Variants in PCDHGB4 observed in about 807,000 individuals in gnomAD.
PCDHGB4 encodes protocadherin gamma subfamily B, 4, also known as protocadherin gamma-B4.
A neutral mutation model predicts 60.5 loss-of-function variants in PCDHGB4; 38 were observed. The observed-to-expected ratio is 0.63, with a 90% CI of 0.48 to 0.82. The LOEUF is 0.82. Ranked by LOEUF, PCDHGB4 falls within the 40% of genes least tolerant of loss-of-function variation. The pLI is 0.00. For missense variants in PCDHGB4, 1,109 were observed against 1,209.6 expected, an observed-to-expected ratio of 0.92 and a Z score of 1.23; for synonymous variants, 456 against 509.7, an observed-to-expected ratio of 0.89 and a Z score of 1.42.
chr5:141,473,647 C>T (rs2099326149), intron 1 of PCDHGB4, among the ~76,000 whole-genome samples: 1 of 152,172 alleles, frequency 6.6e-6, no homozygotes, highest in Non-Finnish European at 1.5e-5. Flanking sequence ...GGCAAAGGAA[C>T]AATTTGTGTG....
At chr5:141,409,241 A>G in intron 1 of PCDHGB4, 1 of 1,614,038 alleles carries the variant, frequency 6.2e-7, no homozygotes. Context: ...CAGCCCAGAA[A>G]TAATCATCAC....
intron 1 of PCDHGB4, chr5:141,415,339 C>T (rs776585248): frequency 7.4e-6 from 12 of 1,614,190 alleles, no homozygotes; most frequent in Non-Finnish European, 1.0e-5. Context: ...CAGGCTGCGG[C>T]GCTGGCACAA....
chr5:141,503,812 G>C (rs2099831825), intron 2 of PCDHGB4, among the ~76,000 whole-genome samples: 1 of 152,114 alleles, frequency 6.6e-6, no homozygotes, highest in South Asian at 2.1e-4. Context: ...GGGAATCCCA[G>C]ATTGGGCAAA....
At chr5:141,425,640 C>G (rs2096886863) in intron 1 of PCDHGB4, among the ~76,000 whole-genome samples, 1 of 152,206 alleles carries the variant, frequency 6.6e-6, no homozygotes, top group Non-Finnish European at 1.5e-5. Flanking sequence ...TCTGATAAAA[C>G]TAGGAGGAAA....
intron 1 of PCDHGB4, chr5:141,430,515 G>A (rs1016446331): frequency 2.1e-5 from 7 of 340,180 alleles, no homozygotes; most frequent in Admixed American, 1.8e-4. Flanking sequence ...TCAAGATTGT[G>A]CAGTAATTGG....
intron 1 of PCDHGB4, among the ~76,000 whole-genome samples, chr5:141,448,617 T>C (rs1318664360): frequency 2.0e-5 from 3 of 152,150 alleles, no homozygotes; most frequent in Non-Finnish European, 2.9e-5. Flanking sequence ...ACTTTATATC[T>C]TCCTTTCTTC....
chr5:141,434,455 G>A (rs2097695575), intron 1 of PCDHGB4, among the ~76,000 whole-genome samples: 1 of 152,192 alleles, frequency 6.6e-6, no homozygotes, highest in Admixed American at 6.5e-5. Context: ...GAAGGTAGTG[G>A]GTTTACCGGA....
At position 141,491,692 on chromosome 5, in the gene PCDHGB4, C is replaced by T. The variant is rs749349869; in HGVS notation, c.2398-3115C>T. On this transcript the variant is annotated intron_variant, in intron 1 of 3. Coordinates refer to ENST00000519479, the MANE Select transcript of PCDHGB4 (RefSeq NM_003736.4). This position sits in a 1 kb window ranked among gnomAD's most constrained non-coding sequence, Gnocchi z 6.9. ...GTCCCGCTCTAATACGCTGCGGGAG[C>T]GGAGCCAGGTGAGGGGCTCGGCGCC... is the stretch of plus-strand genomic sequence containing the variant. 1 of 1,612,594 alleles carries T rather than the reference C, an allele frequency of 6.2e-7. No homozygotes were observed. The highest frequency in any genetic ancestry group is 8.5e-7 in the Non-Finnish European group (1 of 1,179,340).
rs11343387 is a variant in PCDHGB4 at position 141,497,209 on chromosome 5, TGG to T, written c.2456+2352_2456+2353del. On this transcript the variant is annotated intron_variant, in intron 2 of 3. Transcript: ENST00000519479. ...GAGGCAGAGAACAATGTGAGTGTAATGGGGGGGGGAAGATCAGAGAAGGCTTC... is the reference window on the plus strand; with the variant it reads ...GAGGCAGAGAACAATGTGAGTGTAATGGGGGGGAAGATCAGAGAAGGCTTC... Among the ~76,000 whole-genome samples the T allele has an allele frequency of 3.8e-3, 569 of 151,352 alleles. 5 individuals are homozygous for T. Among genetic ancestry groups the T allele is most frequent in the Admixed American group, 0.011 (162 of 15,190 alleles).
At chr5:141,444,880 G>C (rs527554886) in intron 1 of PCDHGB4, among the ~76,000 whole-genome samples, 5 of 152,268 alleles carry the variant, frequency 3.3e-5, no homozygotes, top group Admixed American at 1.3e-4. Flanking sequence ...AAGCTTGTAG[G>C]ATTTTTGAAT....
intron 1 of PCDHGB4, chr5:141,404,764 C>G: frequency 6.2e-7 from 1 of 1,613,920 alleles, no homozygotes; most frequent in Non-Finnish European, 8.5e-7. Context: ...ATGCTTGGCT[C>G]TCCTACCGCC....
In PCDHGB4 at chr5:141,392,458, G is replaced by A. The variant is rs113238570; in HGVS notation, c.2397+2177G>A. The A allele has an allele frequency of 2.2e-3, 375 of 170,410 alleles. 4 individuals are homozygous for A. Among genetic ancestry groups the A allele is most frequent in the African/African-American group, 8.5e-3 (357 of 42,198 alleles). The allele number at this position is 170,410 out of a possible 1,614,324, so 10.6% of individuals were successfully genotyped here. ...GTTTCTTTTAAAATATGGGTTTACG[G>A]ATAAATCAAATAAATTCAAAACAAA... On this transcript the variant is annotated intron_variant, in intron 1 of 3. Coordinates refer to ENST00000519479, the MANE Select transcript of PCDHGB4 (RefSeq NM_003736.4).
At position 141,511,146 on chromosome 5, in the gene PCDHGB4, G is replaced by T; in HGVS notation, c.2745G>T (p.Lys915Asn). 1 of 1,614,208 alleles carries T rather than the reference G, an allele frequency of 6.2e-7. No individual in the cohort carries two copies. Among genetic ancestry groups the T allele is most frequent in the Non-Finnish European group, 8.5e-7 (1 of 1,180,018 alleles). The change falls in exon 4 of 4, where the codon AAG becomes AAT. Residue 915 changes from lysine to asparagine, a missense_variant. Lys to Asn is a moderately conservative substitution (Grantham distance 94). Coordinates refer to ENST00000519479, the MANE Select transcript of PCDHGB4 (RefSeq NM_003736.4). Reference protein sequence around the residue: ...KAPAGGNGNKKKSGKKEKK With the variant: ...KAPAGGNGNKNKSGKKEKK The stretch of plus-strand genomic sequence containing the variant: ...CAGCAGGTGGCAATGGCAACAAGAA[G>T]AAGTCGGGCAAGAAGGAGAAGAAGT...
chr5:141,415,289 C>T (rs1413039067), intron 1 of PCDHGB4: 11 of 1,614,088 alleles, frequency 6.8e-6, no homozygotes, highest in African/African-American at 1.3e-5. Flanking sequence ...GCCGCGGTCT[C>T]CTGCGTCTTC....
At chr5:141,500,182 A>ATTT (rs1199992745) in intron 2 of PCDHGB4, among the ~76,000 whole-genome samples, 1 of 131,622 alleles carries the variant, frequency 7.6e-6, no homozygotes, top group African/African-American at 3.1e-5. Context: ...CTTCATTTTT[A>ATTT]TTTTTATTTA....
intron 1 of PCDHGB4, 60 bp downstream of exon 1, chr5:141,390,341 A>G (rs766269615): frequency 6.3e-7 from 1 of 1,587,420 alleles, no homozygotes; most frequent in Non-Finnish European, 8.6e-7. Flanking sequence ...CATATTCACA[A>G]GAAAATATAC....
chr5:141,404,829 TGC>T lies in PCDHGB4; in HGVS notation c.2397+14551_2397+14552del, dbSNP rs774802551. 6.2e-6 allele frequency: 10 copies of T among 1,608,020 alleles called. No individual in the cohort carries two copies. In the Admixed American group the frequency reaches 1.7e-4, roughly 27 times the overall value. On this transcript the variant is annotated intron_variant, in intron 1 of 3. Coordinates refer to ENST00000519479, the MANE Select transcript of PCDHGB4 (RefSeq NM_003736.4). ...TCGGTGGGGCTGCACACAGGTGAAGTGCGCACAGCTCGGGCCCTGCTAGATAG... is the reference window on the plus strand; with the variant it reads ...TCGGTGGGGCTGCACACAGGTGAAGTGCACAGCTCGGGCCCTGCTAGATAG...
chr5:141,476,747 C>A lies in PCDHGB4; in HGVS notation c.2398-18060C>A. 1 of 1,614,066 alleles carries A rather than the reference C, an allele frequency of 6.2e-7. No homozygotes were observed. The highest frequency in any genetic ancestry group is 1.3e-5 in the African/African-American group (1 of 75,074). On this transcript the variant is annotated intron_variant, in intron 1 of 3. Transcript: ENST00000519479. The surrounding 1 kb of genome is among the most constrained non-coding windows in gnomAD (Gnocchi z 7.6). ...GGACCGAGAACGGGAGCCTAGTCTCCAGTTAGTGCTGACGGCGTTGGACGG... is the reference window on the plus strand; with the variant it reads ...GGACCGAGAACGGGAGCCTAGTCTCAAGTTAGTGCTGACGGCGTTGGACGG...
intron 1 of PCDHGB4, chr5:141,393,499 A>T: frequency 6.2e-7 from 1 of 1,614,008 alleles, no homozygotes; most frequent in South Asian, 1.1e-5. Context: ...GTGCGCATCC[A>T]CGTGACAGTG....
Sources: gnomAD v4.1 joint callset for allele counts (sites outside exome capture counted in the v4.1 genomes callset) on GRCh38, gnomAD v4.1.1 for gene constraint, Gnocchi (gnomAD v3.1) non-coding constraint, MANE v1.5 for transcripts, NCBI Gene and HGNC (gene_info 2026-07-23, HGNC 2026-07-21) for gene names.